The following KCNB2 variants were observed in gnomAD, a reference collection of about 807,000 sequenced individuals.
KCNB2 encodes the protein potassium voltage-gated channel subfamily B member 2.
A neutral mutation model predicts 61.5 loss-of-function variants in KCNB2; 15 were observed. The observed-to-expected ratio is 0.24, with a 90% CI of 0.16 to 0.38. KCNB2 has a LOEUF of 0.38. Among genes scored for constraint, KCNB2 ranks in the 10% least tolerant of loss-of-function variants. The pLI is 1.00. For missense variants in KCNB2, 828 were observed against 1,125.2 expected (o/e 0.74, Z 3.78); for synonymous variants, 457 against 446.0 (o/e 1.02, Z -0.31).
chr8:72,567,821 G>C lies in KCNB2; in HGVS notation c.87G>C (p.Arg29=). 1 of 1,613,964 alleles carries C rather than the reference G, an allele frequency of 6.2e-7. No homozygotes were observed. Among genetic ancestry groups the C allele is most frequent in the South Asian group, 1.1e-5 (1 of 91,046 alleles). Reference sequence around the variant, plus strand: ...CTCCAGAGCCTGTGGACATTATCCGGAGCAAAACATGCTCCAGGAGAGTTA... The same window carrying C: ...CTCCAGAGCCTGTGGACATTATCCGCAGCAAAACATGCTCCAGGAGAGTTA... ...SLPPEPVDII[R]SKTCSRRVKI... is the part of the protein sequence containing the mutation. The change falls in exon 2 of 3, where the codon CGG becomes CGC. Residue 29 remains arginine (R), a synonymous_variant. Coordinates refer to ENST00000523207, the MANE Select transcript of KCNB2 (RefSeq NM_004770.3).
chr8:72,656,792 G>A (rs1207388648), intron 2 of KCNB2, among the ~76,000 whole-genome samples: 2 of 152,046 alleles, frequency 1.3e-5, no homozygotes, highest in African/African-American at 4.8e-5. Flanking sequence ...CATGCACCGT[G>A]GAACCTAGTT....
chr8:72,578,960 G>T (rs1320790213), intron 2 of KCNB2, among the ~76,000 whole-genome samples: 2 of 152,178 alleles, frequency 1.3e-5, no homozygotes, highest in African/African-American at 4.8e-5. Flanking sequence ...TGGCCTCATG[G>T]TGTACTTTCT....
At chr8:72,693,828 C>T (rs1806977204) in intron 2 of KCNB2, among the ~76,000 whole-genome samples, 1 of 152,170 alleles carries the variant, frequency 6.6e-6, no homozygotes, top group African/African-American at 2.4e-5. Flanking sequence ...CATTCAAGAA[C>T]TATCAACCCT....
intron 2 of KCNB2, among the ~76,000 whole-genome samples, chr8:72,759,826 G>A (rs984202865): frequency 1.3e-5 from 2 of 152,094 alleles, no homozygotes; most frequent in African/African-American, 4.8e-5. Flanking sequence ...ACCCTTTTAG[G>A]ATAAGCCCGT....
chr8:72,779,297 C>A (rs978174548), intron 2 of KCNB2, among the ~76,000 whole-genome samples: 4 of 152,046 alleles, frequency 2.6e-5, no homozygotes, highest in Admixed American at 1.3e-4. Context: ...AGGCATTGGT[C>A]TCTCTTCAAT....
chr8:72,670,210 A>C (rs540171879), intron 2 of KCNB2, among the ~76,000 whole-genome samples: 1 of 152,356 alleles, frequency 6.6e-6, no homozygotes, highest in Admixed American at 6.5e-5. Flanking sequence ...ATTCAACCTC[A>C]TCAAAGGTGA....
intron 2 of KCNB2, among the ~76,000 whole-genome samples, chr8:72,698,603 A>G (rs1807059197): frequency 6.6e-6 from 1 of 152,168 alleles, no homozygotes. Flanking sequence ...ACATTACCCG[A>G]CCTCAAACTA....
chr8:72,590,943 G>T lies in KCNB2; in HGVS notation c.579+22630G>T, dbSNP rs541193664. On this transcript the variant is annotated intron_variant, in intron 2 of 2. Coordinates refer to ENST00000523207, the MANE Select transcript of KCNB2 (RefSeq NM_004770.3). ...TTAATTATAGTAGCTAAAACCTTTG[G>T]TTCTGATTTAAATTTGACATTTAAC... 3.1e-4 allele frequency among the ~76,000 whole-genome samples: 47 copies of T among 152,242 alleles called. 1 individual carries two copies. In the South Asian group the frequency reaches 9.7e-3, roughly 32 times the overall value.
At chr8:72,920,152 C>T (rs1260637719) in intron 2 of KCNB2, among the ~76,000 whole-genome samples, 1 of 151,720 alleles carries the variant, frequency 6.6e-6, no homozygotes, top group East Asian at 1.9e-4. Context: ...CACTAGATCT[C>T]AAGTCATGTA....
At chr8:72,744,928 C>T (rs977342639) in intron 2 of KCNB2, among the ~76,000 whole-genome samples, 1 of 152,174 alleles carries the variant, frequency 6.6e-6, no homozygotes, top group African/African-American at 2.4e-5. Flanking sequence ...TAGGCTGCCC[C>T]ACTGGATCCT....
In KCNB2 at chr8:72,745,320, G is replaced by A. The variant is rs552135953; in HGVS notation, c.579+177007G>A. ...GCATGCATGCTCCTAGTTACCCAGG[G>A]GTTAAGGGCACAGTCCTCCATAAGA... On this transcript the variant is annotated intron_variant, in intron 2 of 2. Transcript: ENST00000523207. Among the ~76,000 whole-genome samples the A allele has an allele frequency of 3.3e-5, 5 of 152,102 alleles. No homozygotes were observed. The South Asian group carries it at 8.3e-4, about 25-fold the overall frequency.
At chr8:72,634,456 G>A (rs1001130102) in intron 2 of KCNB2, among the ~76,000 whole-genome samples, 5 of 152,090 alleles carry the variant, frequency 3.3e-5, no homozygotes, top group African/African-American at 9.7e-5. Context: ...TGAGTCTGTG[G>A]GCCACACTTT....
chr8:72,677,889 C>G (rs1806687872), intron 2 of KCNB2, among the ~76,000 whole-genome samples: 1 of 152,130 alleles, frequency 6.6e-6, no homozygotes, highest in Non-Finnish European at 1.5e-5. Context: ...ACATCCAGTC[C>G]TCCTGGCTTT....
chr8:72,540,205 T>A (rs1806169925), intron 1 of KCNB2, among the ~76,000 whole-genome samples: 1 of 152,184 alleles, frequency 6.6e-6, no homozygotes, highest in Non-Finnish European at 1.5e-5. Context: ...TCTGCCCTAA[T>A]GCATTTTTTT....
At chr8:72,862,822 T>C (rs1305710525) in intron 2 of KCNB2, among the ~76,000 whole-genome samples, 3 of 152,208 alleles carry the variant, frequency 2.0e-5, no homozygotes, top group Non-Finnish European at 4.4e-5. Flanking sequence ...TGAGCCCTTA[T>C]TATGTGCTAG....
intron 2 of KCNB2, among the ~76,000 whole-genome samples, chr8:72,735,853 T>A (rs1277611104): frequency 6.6e-6 from 1 of 152,168 alleles, no homozygotes; most frequent in Non-Finnish European, 1.5e-5. Flanking sequence ...GTTGTTAAGA[T>A]GTATCGCAGA....
At chr8:72,862,692 T>G (rs887014962) in intron 2 of KCNB2, among the ~76,000 whole-genome samples, 12 of 152,230 alleles carry the variant, frequency 7.9e-5, no homozygotes, top group Admixed American at 5.2e-4. Flanking sequence ...TTTTTACTGT[T>G]ACTATCATTA....
At chr8:72,810,365 T>C (rs1458477273) in intron 2 of KCNB2, among the ~76,000 whole-genome samples, 1 of 152,168 alleles carries the variant, frequency 6.6e-6, no homozygotes, top group Non-Finnish European at 1.5e-5. Context: ...AAACAGAGAT[T>C]TGTGATCACT....
intron 2 of KCNB2, among the ~76,000 whole-genome samples, chr8:72,848,962 A>G (rs949551057): frequency 3.3e-5 from 5 of 151,234 alleles, no homozygotes; most frequent in Admixed American, 1.3e-4. Context: ...CACTTTTTAA[A>G]CTTTTATATC....
Sources: gnomAD v4.1 joint callset for allele counts (sites outside exome capture counted in the v4.1 genomes callset) on GRCh38, gnomAD v4.1.1 for gene constraint, MANE v1.5 for transcripts, NCBI Gene and HGNC (gene_info 2026-07-23, HGNC 2026-07-21) for gene names.